The following SLC1A7 variants were observed in gnomAD, a reference collection of about 807,000 sequenced individuals.
The protein encoded by SLC1A7 is excitatory amino acid transporter 5.
Under a neutral mutation model 47.7 loss-of-function variants are expected in SLC1A7, and 40 were observed. That is an observed-to-expected ratio of 0.84 (90% confidence interval 0.65 to 1.09). The LOEUF (loss-of-function observed/expected upper bound fraction) is 1.09. SLC1A7 is among the 50% of genes least tolerant of loss of function. The probability of loss-of-function intolerance (pLI) is 0.00; values close to 1 mark genes in which losing one functional copy is unlikely to be tolerated. For missense variants in SLC1A7, 746 were observed against 769.5 expected (o/e 0.97, Z 0.36); for synonymous variants, 323 against 325.6 (o/e 0.99, Z 0.09).
At position 53,137,334 on chromosome 1, in the gene SLC1A7, CCT is replaced by C. The variant is rs1235622033; in HGVS notation, c.136-2907_136-2906del. 2.0e-5 allele frequency among the ~76,000 whole-genome samples: 3 copies of C among 150,050 alleles called. No individual in the cohort carries two copies. In the East Asian group the frequency reaches 5.8e-4, roughly 29 times the overall value. On this transcript the variant is annotated intron_variant, in intron 1 of 10. Transcript: ENST00000371494. Reference sequence around the variant, plus strand: ...TGATAAAAAGGCAGCTCTTGCCTCACCTCTCTCTATCCCTATCTTGCAACTTC... The same window carrying C: ...TGATAAAAAGGCAGCTCTTGCCTCACCTCTCTATCCCTATCTTGCAACTTC...
At position 53,088,029 on chromosome 1, in the gene SLC1A7, C is replaced by A. The variant is rs17850871; in HGVS notation, c.1663G>T (p.Glu555Ter). 6 of 1,522,344 alleles carry A rather than the reference C, an allele frequency of 3.9e-6. No homozygotes were observed. Among genetic ancestry groups the A allele is most frequent in the Non-Finnish European group, 5.3e-6 (6 of 1,127,980 alleles). 94.3% of individuals were successfully genotyped at this position (1,522,344 alleles called of 1,614,324 possible). Residue 555 changes from glutamate (E) to a stop codon, truncating the protein, a stop_gained, in exon 11 of 11, where the codon GAG becomes TAG. Transcript: ENST00000371494. LOFTEE classifies it high-confidence loss of function. ...CAGGCTCAGACATTGGTCTCCAGCT[C>A]ACTGATCTGGATGGTGCAGTGGTTC... ...SLNHCTIQISELETNV is the reference protein window; with the variant it reads ...SLNHCTIQIS
intron 1 of SLC1A7, among the ~76,000 whole-genome samples, chr1:53,136,536 A>G (rs1572352344): frequency 2.4e-5 from 2 of 81,788 alleles, no homozygotes; most frequent in African/African-American, 8.3e-5. Flanking sequence ...ATTTATATAA[A>G]CATATATATA....
At chr1:53,124,886 G>A (rs1644865238) in intron 2 of SLC1A7, among the ~76,000 whole-genome samples, 1 of 152,224 alleles carries the variant, frequency 6.6e-6, no homozygotes, top group African/African-American at 2.4e-5. Context: ...TCACCAAGGT[G>A]AAGGTGCAGC....
Position 53,101,691 on chromosome 1 carries a change from C to T in SLC1A7, c.697+1655G>A, listed in dbSNP as rs116710304. On this transcript the variant is annotated intron_variant, in intron 5 of 10. Transcript: ENST00000371494. ...CTTGGTACACTCACAAACCATGTCTCGGTACACTCACACCAGCTTGGTACA... is the reference window on the plus strand; with the variant it reads ...CTTGGTACACTCACAAACCATGTCTTGGTACACTCACACCAGCTTGGTACA... Among the ~76,000 whole-genome samples, 942 of 148,776 alleles carry T rather than the reference C, an allele frequency of 6.3e-3. 6 individuals carry two copies. The highest frequency in any genetic ancestry group is 0.022 in the African/African-American group (881 of 40,144).
intron 2 of SLC1A7, among the ~76,000 whole-genome samples, chr1:53,118,961 C>T (rs1167508284): frequency 6.6e-6 from 1 of 152,192 alleles, no homozygotes; most frequent in Non-Finnish European, 1.5e-5. Context: ...CACGCCATTG[C>T]ACTCCATCCT....
chr1:53,087,531 G>A lies in SLC1A7; in HGVS notation c.*478C>T, dbSNP rs978333042. 2 of 152,698 alleles carry A rather than the reference G, an allele frequency of 1.3e-5. No individual in the cohort carries two copies. Among genetic ancestry groups the A allele is most frequent in the African/African-American group, 4.8e-5 (2 of 41,498 alleles). The allele number at this position is 152,698 out of a possible 1,614,324, so 9.5% of individuals were successfully genotyped here. A position where few individuals can be genotyped will look rare whatever the true frequency, so the allele number is the denominator to read the frequency against. ...CTTGGCCCTGGGCTGCTCCCCTTGG[G>A]GAGAACTGTGTGGCTGAGGCCACCT... On this transcript the variant is annotated 3_prime_UTR_variant, in exon 11 of 11. Coordinates refer to ENST00000371494, the MANE Select transcript of SLC1A7 (RefSeq NM_006671.6).
At chr1:53,089,554 G>C (rs1351778664) in intron 9 of SLC1A7, among the ~76,000 whole-genome samples, 1 of 152,206 alleles carries the variant, frequency 6.6e-6, no homozygotes, top group Non-Finnish European at 1.5e-5. Context: ...GGACATATAG[G>C]CGTGAGTCAT....
Position 53,087,341 on chromosome 1 carries a change from G to A in SLC1A7, c.*668C>T, listed in dbSNP as rs576301190. ...AGCATCCTGGCTGCACCTCCTTCCC[G>A]GAGTCCTGGCTTGCCTACCTATTCC... On this transcript the variant is annotated 3_prime_UTR_variant, in exon 11 of 11. Coordinates refer to ENST00000371494, the MANE Select transcript of SLC1A7 (RefSeq NM_006671.6). 14 of 152,342 alleles carry A rather than the reference G, an allele frequency of 9.2e-5. No individual in the cohort carries two copies. Among genetic ancestry groups the A allele is most frequent in the East Asian group, 1.9e-4 (1 of 5,184 alleles). The allele number at this position is 152,342 out of a possible 1,614,324, so 9.4% of individuals were successfully genotyped here.
intron 1 of SLC1A7, among the ~76,000 whole-genome samples, chr1:53,135,197 A>G (rs1487315671): frequency 1.3e-5 from 2 of 152,180 alleles, no homozygotes; most frequent in Non-Finnish European, 2.9e-5. Context: ...AGCAGATGGC[A>G]GGTGACCAGA....
At chr1:53,109,900 C>T (rs1644684549) in intron 3 of SLC1A7, among the ~76,000 whole-genome samples, 1 of 152,210 alleles carries the variant, frequency 6.6e-6, no homozygotes, top group Admixed American at 6.5e-5. Context: ...CAGCTGAATA[C>T]AGCGGAGCTG....
At chr1:53,097,482 A>C (rs1373173791) in intron 5 of SLC1A7, among the ~76,000 whole-genome samples, 1 of 131,514 alleles carries the variant, frequency 7.6e-6, no homozygotes, top group Non-Finnish European at 1.6e-5. Context: ...AACCTGCCTC[A>C]GTACACTCAC....
At chr1:53,114,659 A>G (rs550038468) in intron 3 of SLC1A7, 99 bp downstream of exon 3, 3 of 992,862 alleles carry the variant, frequency 3.0e-6, no homozygotes, top group Non-Finnish European at 4.6e-6. Flanking sequence ...GGACTCCGTG[A>G]TCACCCCCAT....
At position 53,100,726 on chromosome 1, in the gene SLC1A7, G is replaced by A. The variant is rs28475307; in HGVS notation, c.697+2620C>T. On this transcript the variant is annotated intron_variant, in intron 5 of 10. Coordinates refer to ENST00000371494, the MANE Select transcript of SLC1A7 (RefSeq NM_006671.6). The stretch of plus-strand genomic sequence containing the variant: ...TGTGTACACTCATACATACCACCTC[G>A]GTACACTCACACACATTGCCTTGGT... Among the ~76,000 whole-genome samples the A allele has an allele frequency of 1.4e-4, 21 of 147,344 alleles. No homozygotes were observed. The East Asian group carries it at 1.5e-3, about 10-fold the overall frequency.
chr1:53,138,303 G>A (rs749558931), intron 1 of SLC1A7, among the ~76,000 whole-genome samples: 9 of 152,042 alleles, frequency 5.9e-5, no homozygotes, highest in Non-Finnish European at 1.0e-4. Context: ...TCTTTCTTTT[G>A]TAAACAAAAT....
chr1:53,109,766 G>T (rs1644683161), intron 3 of SLC1A7, among the ~76,000 whole-genome samples: 1 of 152,192 alleles, frequency 6.6e-6, no homozygotes, highest in African/African-American at 2.4e-5. Context: ...AGAGCATCAG[G>T]AGTGGCTGTC....
chr1:53,140,972 T>G (rs1164839331), intron 1 of SLC1A7, among the ~76,000 whole-genome samples: 2 of 152,172 alleles, frequency 1.3e-5, no homozygotes, highest in Non-Finnish European at 2.9e-5. Flanking sequence ...TGACCCCAGT[T>G]GTAGAGATGG....
intron 5 of SLC1A7, among the ~76,000 whole-genome samples, chr1:53,100,350 CCCAA>C (rs1644558650): frequency 6.7e-6 from 1 of 150,010 alleles, no homozygotes; most frequent in African/African-American, 2.5e-5. Context: ...ACTCACACAA[CCCAA>C]CTCAGTACAC....
chr1:53,091,017 TGAG>T, intron 7 of SLC1A7: 1 of 1,412,774 alleles, frequency 7.1e-7, no homozygotes, highest in Non-Finnish European at 9.4e-7. Context: ...ATTTTACAGA[TGAG>T]GAAGCTGACG....
chr1:53,141,947 T>C (rs539821446), intron 1 of SLC1A7, among the ~76,000 whole-genome samples: 22 of 152,234 alleles, frequency 1.4e-4, no homozygotes, highest in Admixed American at 1.1e-3. Context: ...GCTTCCTGGA[T>C]CTCTTGTCAT....
Sources: gnomAD v4.1 joint callset for allele counts (sites outside exome capture counted in the v4.1 genomes callset) on GRCh38, gnomAD v4.1.1 for gene constraint, MANE v1.5 for transcripts, NCBI Gene and HGNC (gene_info 2026-07-23, HGNC 2026-07-21) for gene names.